Variants in SNX5 observed in about 807,000 individuals in gnomAD.
SNX5 encodes sorting nexin 5.
Under a neutral mutation model 53.9 loss-of-function variants are expected in SNX5, and 31 were observed. That is an observed-to-expected ratio of 0.58 (90% CI 0.43 to 0.78). SNX5 has a LOEUF of 0.78. Among genes scored for constraint, SNX5 ranks in the 30% least tolerant of loss-of-function variants. SNX5 has a pLI of 0.00. For synonymous variants in SNX5, 168 were observed against 171.1 expected, an observed-to-expected ratio of 0.98 and a Z score of 0.14; for missense variants, 471 against 478.8, an observed-to-expected ratio of 0.98 and a Z score of 0.15.
chr20:17,948,905 G>C lies in SNX5; in HGVS notation c.903C>G (p.Asn301Lys). The C allele has an allele frequency of 6.2e-7, 1 of 1,612,006 alleles. No homozygotes were observed. Among genetic ancestry groups the C allele is most frequent in the South Asian group, 1.1e-5 (1 of 90,994 alleles). Residue 301 changes from asparagine (N) to lysine (K), a missense_variant, in exon 10 of 13, where the codon AAC becomes AAG. By Grantham distance (94) the Asn-to-Lys change is moderately conservative (BLOSUM62 0). Coordinates refer to ENST00000377759, the MANE Select transcript of SNX5 (RefSeq NM_014426.4). The stretch of plus-strand genomic sequence containing the variant: ...CTCTTCCTACCTTAGCAGCTTCAAT[G>C]TTGAGCATGTAGTATCGGAGGAGCT... ...LTELLRYYML[N>K]IEAAKDLLYR... is the part of the protein sequence containing the mutation.
chr20:17,951,832 T>C (rs2039572980), intron 5 of SNX5, among the ~76,000 whole-genome samples: 1 of 152,236 alleles, frequency 6.6e-6, no homozygotes, highest in African/African-American at 2.4e-5. Flanking sequence ...AGAAGCTAAG[T>C]CTTAGTGGCT....
intron 1 of SNX5, among the ~76,000 whole-genome samples, chr20:17,959,496 G>A (rs1013730243): frequency 6.6e-6 from 1 of 152,018 alleles, no homozygotes; most frequent in Non-Finnish European, 1.5e-5. Flanking sequence ...CAGACATTTC[G>A]CCCTAGGAAG....
chr20:17,952,484 T>C (rs554878961), intron 5 of SNX5, 103 bp downstream of exon 5: 2 of 1,156,076 alleles, frequency 1.7e-6, no homozygotes, highest in South Asian at 3.6e-5. Flanking sequence ...AGGTTTCCAT[T>C]GTGTAAGAAA....
At chr20:17,947,396 C>T in intron 11 of SNX5, 90 bp downstream of exon 11, 2 of 1,393,776 alleles carry the variant, frequency 1.4e-6, no homozygotes, top group East Asian at 4.6e-5. Flanking sequence ...GTGAAGGATA[C>T]ATGGGTGTTT....
At chr20:17,942,920 A>ATC in intron 12 of SNX5, 190 bp downstream of exon 12, 1 of 531,386 alleles carries the variant, frequency 1.9e-6, no homozygotes, top group South Asian at 2.9e-5. Context: ...AAAGTTGCTA[A>ATC]AAATTAGTCA....
rs563558044 is a variant in SNX5 at position 17,968,279 on chromosome 20, G to A, written c.51+96C>T. On this transcript the variant is annotated intron_variant, in intron 1 of 12. Transcript: ENST00000377759. ...CTTCCCGCGCTGGGGATGGCGGCGA[G>A]CAGCCACGGCCTATGGACGCGCAAG... 9 of 1,059,940 alleles carry A rather than the reference G, an allele frequency of 8.5e-6. No individual in the cohort carries two copies. In the South Asian group the frequency reaches 2.8e-4, roughly 33 times the overall value. The allele number at this position is 1,059,940 out of a possible 1,614,324, so 65.7% of individuals were successfully genotyped here. A position where few individuals can be genotyped will look rare whatever the true frequency, so the allele number is the denominator to read the frequency against.
At position 17,968,367 on chromosome 20, in the gene SNX5, G is replaced by A. The variant is rs201959288; in HGVS notation, c.51+8C>T. The A allele has an allele frequency of 2.5e-5, 32 of 1,271,768 alleles. No homozygotes were observed. Among genetic ancestry groups the A allele is most frequent in the Admixed American group, 1.3e-4 (3 of 23,800 alleles). The allele number at this position is 1,271,768 out of a possible 1,614,324, so 78.8% of individuals were successfully genotyped here. The stretch of plus-strand genomic sequence containing the variant: ...CCGCCCAGGAGTCTGAGGCTGGGAG[G>A]ACCTCACCTTGCTGCGGTCCTCCTC... On this transcript the variant is annotated splice_region_variant and intron_variant, in intron 1 of 12. Transcript: ENST00000377759.
At chr20:17,949,022 T>TCTG in intron 9 of SNX5, 42 bp downstream of exon 9, 1 of 1,608,266 alleles carries the variant, frequency 6.2e-7, no homozygotes, top group South Asian at 1.1e-5. Context: ...AAGCTATAGA[T>TCTG]TATAAAATAT....
chr20:17,954,432 G>A (rs755677267), intron 3 of SNX5, among the ~76,000 whole-genome samples: 3 of 152,146 alleles, frequency 2.0e-5, no homozygotes, highest in Non-Finnish European at 4.4e-5. Flanking sequence ...CGAATGCTAA[G>A]CACCAAAGAT....
At chr20:17,958,624 A>G (rs966270886) in intron 1 of SNX5, among the ~76,000 whole-genome samples, 1 of 148,498 alleles carries the variant, frequency 6.7e-6, no homozygotes, top group African/African-American at 2.6e-5. Flanking sequence ...TTTCTTCCAC[A>G]TGAATTCTTG....
At chr20:17,946,991 A>G (rs753313103) in intron 11 of SNX5, among the ~76,000 whole-genome samples, 2 of 152,250 alleles carry the variant, frequency 1.3e-5, no homozygotes, top group Admixed American at 1.3e-4. Flanking sequence ...TCAGAAATAC[A>G]GGATTTGTAA....
rs759742292 is a variant in SNX5, at chr20:17,950,421, G to A, written c.610-25C>T. 7 of 1,332,394 alleles carry A rather than the reference G, an allele frequency of 5.3e-6. No homozygotes were observed. In the East Asian group the frequency reaches 1.6e-4, roughly 31 times the overall value. The allele number at this position is 1,332,394 out of a possible 1,614,324, so 82.5% of individuals were successfully genotyped here. On this transcript the variant is annotated intron_variant, in intron 6 of 12. Coordinates refer to ENST00000377759, the MANE Select transcript of SNX5 (RefSeq NM_014426.4). ...CCTAGAAGGAAGAAAAAAAGAACCA[G>A]ACATTTCATGAAATATACTATCCCT...
chr20:17,965,254 G>A (rs555512583), intron 1 of SNX5, among the ~76,000 whole-genome samples: 1 of 152,150 alleles, frequency 6.6e-6, no homozygotes, highest in Admixed American at 6.6e-5. Context: ...GCCAAAAACA[G>A]TTGCTTCACA....
At chr20:17,962,789 G>T (rs552101943) in intron 1 of SNX5, 1 of 519,168 alleles carries the variant, frequency 1.9e-6, no homozygotes, top group Admixed American at 1.9e-5. Flanking sequence ...CATTCTTACC[G>T]GTAGCCTGCC....
At chr20:17,956,136 A>G (rs2122388951) in intron 2 of SNX5, among the ~76,000 whole-genome samples, 1 of 152,136 alleles carries the variant, frequency 6.6e-6, no homozygotes, top group East Asian at 1.9e-4. Flanking sequence ...GACAAAGAAG[A>G]AAAATAAATT....
chr20:17,952,701 G>A lies in SNX5; in HGVS notation c.399C>T (p.Leu133=), dbSNP rs1367569798. 9.3e-6 allele frequency: 15 copies of A among 1,612,916 alleles called. No individual in the cohort carries two copies. Among genetic ancestry groups the A allele is most frequent in the East Asian group, 2.2e-5 (1 of 44,880 alleles). ...KMKQELEAEY[L]AVFKKTVSSH... is the part of the protein sequence containing the mutation. Reference sequence around the variant, plus strand: ...AGGACACAGTCTTCTTAAACACAGCGAGATACTCACTGAAAAGAGATGTGC... The same window carrying A: ...AGGACACAGTCTTCTTAAACACAGCAAGATACTCACTGAAAAGAGATGTGC... Residue 133 remains leucine, a synonymous_variant, in exon 5 of 13, where the codon CTC becomes CTT. Coordinates refer to ENST00000377759, the MANE Select transcript of SNX5 (RefSeq NM_014426.4).
chr20:17,957,580 C>T (rs1300809429), intron 1 of SNX5, among the ~76,000 whole-genome samples: 3 of 152,130 alleles, frequency 2.0e-5, no homozygotes, highest in African/African-American at 7.2e-5. Context: ...ACAACAGCTA[C>T]AATAATGTCA....
At chr20:17,948,452 T>C (rs1018282381) in intron 10 of SNX5, among the ~76,000 whole-genome samples, 2 of 152,272 alleles carry the variant, frequency 1.3e-5, no homozygotes, top group Non-Finnish European at 2.9e-5. Context: ...AATTTTATTT[T>C]GCCTGATTTA....
chr20:17,961,643 C>A (rs912333759), intron 1 of SNX5: 17 of 984,424 alleles, frequency 1.7e-5, no homozygotes, highest in Non-Finnish European at 1.9e-5. Context: ...ATTTAAATGA[C>A]TTCCTAGTTT....
Sources: allele counts gnomAD v4.1 joint callset (sites outside exome capture counted in the v4.1 genomes callset), GRCh38; gene constraint gnomAD v4.1.1; transcripts MANE v1.5; gene names NCBI Gene and HGNC (gene_info 2026-07-23, HGNC 2026-07-21).